Variants in PUM2 observed in about 807,000 individuals in gnomAD.
The protein encoded by PUM2 is pumilio homolog 2.
Under a neutral mutation model 124.5 loss-of-function variants are expected in PUM2, and 57 were observed. The ratio of observed to expected loss-of-function variants is 0.46; its 90% CI spans 0.37 to 0.57. PUM2 has a LOEUF of 0.57. Among genes scored for constraint, PUM2 ranks in the 20% least tolerant of loss-of-function variants. The pLI, the probability that PUM2 is intolerant of heterozygous loss-of-function variation, is 0.00. For missense variants in PUM2, 1,065 were observed against 1,290.6 expected, an observed-to-expected ratio of 0.83 and a Z score of 2.68; for synonymous variants, 460 against 446.1, an observed-to-expected ratio of 1.03 and a Z score of -0.39.
At chr2:20,317,392 C>T (rs1681218232) in intron 3 of PUM2, among the ~76,000 whole-genome samples, 1 of 152,152 alleles carries the variant, frequency 6.6e-6, no homozygotes, top group Admixed American at 6.5e-5. Context: ...CTTACCAAGA[C>T]AGTCTACTTC....
intron 3 of PUM2, among the ~76,000 whole-genome samples, chr2:20,314,475 TACATTTG>T (rs1288974352): frequency 6.6e-6 from 1 of 152,234 alleles, no homozygotes. Flanking sequence ...AATATAGTAA[TACATTTG>T]AGGCAACATT....
Position 20,255,934 on chromosome 2 carries a change from T to C in PUM2, c.2622+99A>G, listed in dbSNP as rs938697687. On this transcript the variant is annotated intron_variant, in intron 17 of 20. Coordinates refer to ENST00000361078, the MANE Select transcript of PUM2 (RefSeq NM_015317.5). ...TTTTGTATCCTATTTTTGTATACAA[T>C]TGCTGGGTATTATCTAGTGACTCAT... The C allele has an allele frequency of 2.5e-6, 3 of 1,201,130 alleles. No individual in the cohort carries two copies. The Admixed American group carries it at 8.8e-5, about 35-fold the overall frequency. The allele number at this position is 1,201,130 out of a possible 1,614,324, so 74.4% of individuals were successfully genotyped here.
intron 9 of PUM2, among the ~76,000 whole-genome samples, chr2:20,292,285 G>T (rs1057418985): frequency 6.7e-6 from 1 of 150,274 alleles, no homozygotes; most frequent in South Asian, 2.1e-4. Context: ...GCCCATGGCT[G>T]ACAGTTGGTA....
At chr2:20,344,032 C>G (rs1247986374) in intron 1 of PUM2, among the ~76,000 whole-genome samples, 2 of 151,924 alleles carry the variant, frequency 1.3e-5, no homozygotes, top group Admixed American at 6.6e-5. Context: ...TTAACAGATA[C>G]AAGGTTTCAT....
In PUM2 at chr2:20,278,669, A is replaced by T. The variant is rs1239244161; in HGVS notation, c.1871T>A (p.Met624Lys). ...GFSSSPSPIG[M>K]PLPSQTPGHS... ...TCCTGGAGTTTGGCTTGGCAGAGGC[A>T]TGCCTATTGGACTTGGAGAGGAGGA... Residue 624 changes from methionine (M) to lysine (K), a missense_variant, in exon 13 of 21, where the codon ATG becomes AAG. Physicochemically the swap from Met to Lys is moderately conservative, Grantham distance 95 (BLOSUM62 -1). This residue lies in a region of PUM2 where 968 missense variants were observed against 1,159.8 expected (regional missense o/e 0.83). Coordinates refer to ENST00000361078, the MANE Select transcript of PUM2 (RefSeq NM_015317.5). 1.2e-6 allele frequency: 2 copies of T among 1,613,610 alleles called. No homozygotes were observed. The highest frequency in any genetic ancestry group is 4.5e-5 in the East Asian group (2 of 44,860).
At chr2:20,348,055 G>T (rs557868854) in intron 1 of PUM2, among the ~76,000 whole-genome samples, 2 of 152,072 alleles carry the variant, frequency 1.3e-5, no homozygotes, top group African/African-American at 4.8e-5. Flanking sequence ...TGGCACCGGG[G>T]CTCATGCTTT....
At chr2:20,345,699 C>T (rs950245463) in intron 1 of PUM2, among the ~76,000 whole-genome samples, 1 of 152,062 alleles carries the variant, frequency 6.6e-6, no homozygotes, top group African/African-American at 2.4e-5. Flanking sequence ...CAGTGAAACC[C>T]CATCTCTTCC....
intron 7 of PUM2, among the ~76,000 whole-genome samples, chr2:20,301,069 C>T (rs765163844): frequency 5.7e-4 from 86 of 152,174 alleles, no homozygotes; most frequent in Non-Finnish European, 9.3e-4. Context: ...CCCATATTTC[C>T]GGACCAAACC....
At chr2:20,350,454 GCC>G in intron 1 of PUM2, 141 bp downstream of exon 1, 2 of 981,076 alleles carry the variant, frequency 2.0e-6, no homozygotes, top group Non-Finnish European at 2.4e-6. Flanking sequence ...CGGGCCCCAG[GCC>G]GCACCGGCCC....
Position 20,251,438 on chromosome 2 carries a change from A to C in PUM2, c.*147T>G. On this transcript the variant is annotated 3_prime_UTR_variant, in exon 21 of 21. Coordinates refer to ENST00000361078, the MANE Select transcript of PUM2 (RefSeq NM_015317.5). Reference sequence around the variant, plus strand: ...CCAAATATACACAAGAACCTTAAAAAATTTACAAATGGATGAATAAAGTCA... The same window carrying C: ...CCAAATATACACAAGAACCTTAAAACATTTACAAATGGATGAATAAAGTCA... 9.4e-7 allele frequency: 1 copy of C among 1,066,140 alleles called. No individual in the cohort carries two copies. The highest frequency in any genetic ancestry group is 2.6e-4 in the Middle Eastern group (1 of 3,858). The allele number at this position is 1,066,140 out of a possible 1,614,324, so 66.0% of individuals were successfully genotyped here. A position where few individuals can be genotyped will look rare whatever the true frequency, so the allele number is the denominator to read the frequency against.
At chr2:20,347,063 A>T (rs971117073) in intron 1 of PUM2, among the ~76,000 whole-genome samples, 1 of 152,062 alleles carries the variant, frequency 6.6e-6, no homozygotes. Flanking sequence ...ATTTCCCAGT[A>T]CTCTATTCTA....
At chr2:20,296,213 T>C (rs1445438711) in intron 8 of PUM2, among the ~76,000 whole-genome samples, 1 of 152,138 alleles carries the variant, frequency 6.6e-6, no homozygotes, top group Non-Finnish European at 1.5e-5. Flanking sequence ...AAATCAGTCT[T>C]GGCCGGGCGC....
intron 10 of PUM2, among the ~76,000 whole-genome samples, chr2:20,286,824 G>A (rs1437560614): frequency 6.6e-6 from 1 of 151,960 alleles, no homozygotes; most frequent in African/African-American, 2.4e-5. Context: ...TAATCCACAA[G>A]TTTAAATATG....
intron 2 of PUM2, among the ~76,000 whole-genome samples, chr2:20,324,101 G>C (rs936435243): frequency 2.0e-5 from 3 of 152,112 alleles, no homozygotes; most frequent in African/African-American, 7.2e-5. Context: ...GAAATGGCTG[G>C]TTTCCATTCC....
chr2:20,291,415 C>T (rs1232812466), intron 9 of PUM2, among the ~76,000 whole-genome samples: 1 of 152,196 alleles, frequency 6.6e-6, no homozygotes, highest in African/African-American at 2.4e-5. Context: ...CCCACATATC[C>T]TCCTCGCTCG....
At chr2:20,255,114 A>T (rs1418958720) in intron 18 of PUM2, 102 bp downstream of exon 18, 43 of 1,464,062 alleles carry the variant, frequency 2.9e-5, no homozygotes, top group Non-Finnish European at 4.0e-5. Flanking sequence ...CTTTTGTCTC[A>T]CTCTTGTCTA....
chr2:20,283,153 T>G lies in PUM2; in HGVS notation c.1514A>C (p.Gln505Pro). The change falls in exon 12 of 21, where the codon CAG becomes CCG. Residue 505 changes from glutamine to proline, a missense_variant. Physicochemically the swap from Gln to Pro is moderately conservative, Grantham distance 76. This residue lies in a region of PUM2 where 968 missense variants were observed against 1,159.8 expected (regional missense o/e 0.83). Coordinates refer to ENST00000361078, the MANE Select transcript of PUM2 (RefSeq NM_015317.5). ...TNGLFRPIGT[Q>P]PPQQQQQQPS... The stretch of plus-strand genomic sequence containing the variant: ...CTGCTGTTGCTGCTGCTGTGGTGGC[T>G]GAGTGCCAATTGGCCGAAACAGACC... 6.2e-7 allele frequency: 1 copy of G among 1,614,110 alleles called. No homozygotes were observed. The highest frequency in any genetic ancestry group is 1.3e-5 in the African/African-American group (1 of 75,050).
chr2:20,322,623 C>A, intron 2 of PUM2, among the ~76,000 whole-genome samples: 1 of 151,236 alleles, frequency 6.6e-6, no homozygotes, highest in East Asian at 1.9e-4. Flanking sequence ...GGCAACATGG[C>A]GAAACAATGT....
intron 1 of PUM2, among the ~76,000 whole-genome samples, chr2:20,338,374 G>A (rs1686555456): frequency 6.6e-6 from 1 of 152,168 alleles, no homozygotes; most frequent in Non-Finnish European, 1.5e-5. Flanking sequence ...TCCAGCCTGG[G>A]CGACAGAGCA....
Sources: gnomAD v4.1 joint callset for allele counts (sites outside exome capture counted in the v4.1 genomes callset) on GRCh38, gnomAD v4.1.1 for gene constraint, gnomAD v4.1.1 regional missense constraint, MANE v1.5 for transcripts, NCBI Gene and HGNC (gene_info 2026-07-23, HGNC 2026-07-21) for gene names.